TRIM34: variants seen among roughly 807,000 people sequenced by gnomAD.
The protein encoded by TRIM34 is E3 ubiquitin-protein ligase TRIM34.
Under a neutral mutation model 38.1 loss-of-function variants are expected in TRIM34, and 41 were observed. That is an observed-to-expected ratio of 1.08 (90% CI 0.84 to 1.40). TRIM34 has a LOEUF of 1.40. Among genes scored for constraint, TRIM34 ranks in the 40% most tolerant of loss-of-function variants. TRIM34 has a pLI of 0.00. For synonymous variants in TRIM34, 200 were observed against 202.5 expected (o/e 0.99, Z 0.10); for missense variants, 556 against 571.4 (o/e 0.97, Z 0.27).
At position 5,644,204 on chromosome 11, in the gene TRIM34, T is replaced by C; in HGVS notation, c.*495T>C. The C allele has an allele frequency of 2.5e-6, 1 of 398,984 alleles. No individual in the cohort carries two copies. Among genetic ancestry groups the C allele is most frequent in the Non-Finnish European group, 4.4e-6 (1 of 226,392 alleles). The allele number at this position is 398,984 out of a possible 1,614,324, so 24.7% of individuals were successfully genotyped here. On this transcript the variant is annotated 3_prime_UTR_variant, in exon 8 of 8. Transcript: ENST00000429814. ...AGTGAAGATTTTATGTCCAGAGTAT[T>C]TGAGCTCAAACCTTGCCTGTTGTTT...
At chr11:5,640,213 C>T (rs1469993691) in intron 4 of TRIM34, among the ~76,000 whole-genome samples, 1 of 152,128 alleles carries the variant, frequency 6.6e-6, no homozygotes, top group Non-Finnish European at 1.5e-5. Context: ...CGGGAAAAAG[C>T]ATTCAGTTTT....
chr11:5,620,066 A>G (rs1848924066), upstream of TRIM34: 1 of 148,970 alleles, frequency 6.7e-6, no homozygotes, highest in Admixed American at 6.7e-5. Context: ...ACCTGTCTCT[A>G]CATTTTGGGG....
At position 5,644,393 on chromosome 11, in the gene TRIM34, T is replaced by C. The variant is rs576184909; in HGVS notation, c.*684T>C. 1 of 396,482 alleles carries C rather than the reference T, an allele frequency of 2.5e-6. No individual in the cohort carries two copies. Among genetic ancestry groups the C allele is most frequent in the East Asian group, 3.6e-5 (1 of 27,962 alleles). 24.6% of individuals were successfully genotyped at this position (396,482 alleles called of 1,614,324 possible). ...AATAAATATTTGCTCTCATGATTGC[T>C]AAAAAGTGTGAGCTGTAGTAATGTC... On this transcript the variant is annotated 3_prime_UTR_variant, in exon 8 of 8. Transcript: ENST00000429814.
In TRIM34 at chr11:5,634,664, AC is replaced by A. The variant is rs755202233; in HGVS notation, c.554del (p.Thr185LysfsTer10). 2 of 1,613,916 alleles carry A rather than the reference AC, an allele frequency of 1.2e-6. No homozygotes were observed. The highest frequency in any genetic ancestry group is 1.1e-5 in the South Asian group (1 of 91,074). On this transcript the variant is annotated frameshift_variant, in exon 4 of 8. Transcript: ENST00000429814. LOFTEE classifies it high-confidence loss of function. ...QVQTERQRIQTEFDQLRSILN... is the reference protein window; with the variant it reads ...QVQTERQRIQXEFDQLRSILN... ...ACAAACTGAGAGACAAAGGATACAA[AC>A]AGAATTTGATCAGCTTAGAAGCATC...
chr11:5,641,356 A>G (rs2133954201), intron 5 of TRIM34, 167 bp downstream of exon 5: 4 of 1,464,272 alleles, frequency 2.7e-6, no homozygotes, highest in Non-Finnish European at 3.6e-6. Context: ...AGTGTTCCGT[A>G]ACTATTAATG....
At chr11:5,628,001 G>A (rs1278835247) in intron 1 of TRIM34, among the ~76,000 whole-genome samples, 2 of 152,210 alleles carry the variant, frequency 1.3e-5, no homozygotes, top group Non-Finnish European at 2.9e-5. Flanking sequence ...ATGGTAACCA[G>A]GTAACCTGGG....
chr11:5,623,251 A>G (rs998840683), upstream of TRIM34, among the ~76,000 whole-genome samples: 2 of 151,926 alleles, frequency 1.3e-5, no homozygotes, highest in African/African-American at 2.4e-5. Context: ...CTTTTACACT[A>G]TCTAAATGTA....
intron 4 of TRIM34, 98 bp from the exon 5 acceptor site, chr11:5,641,069 C>T: frequency 6.9e-7 from 1 of 1,454,672 alleles, no homozygotes; most frequent in Non-Finnish European, 9.1e-7. Context: ...TAACTCACTT[C>T]TGATTTTTCC....
intron 5 of TRIM34, 121 bp downstream of exon 5, chr11:5,641,310 C>A: frequency 6.4e-7 from 1 of 1,558,806 alleles, no homozygotes; most frequent in South Asian, 1.2e-5. Context: ...TTGGATGTAT[C>A]GTTATCTTAA....
At chr11:5,637,645 T>C (rs1301936156) in intron 4 of TRIM34, among the ~76,000 whole-genome samples, 1 of 152,210 alleles carries the variant, frequency 6.6e-6, no homozygotes, top group Non-Finnish European at 1.5e-5. Flanking sequence ...TGGCATTTAG[T>C]ACATTCAGAT....
rs180991818 is a variant in TRIM34, at chr11:5,642,375, G to A, written c.774-31G>A. 2,741 of 1,596,256 alleles carry A rather than the reference G, an allele frequency of 1.7e-3. 3 individuals are homozygous for A. The highest frequency in any genetic ancestry group is 2.2e-3 in the Non-Finnish European group (2,514 of 1,167,286). On this transcript the variant is annotated intron_variant, in intron 5 of 7. Transcript: ENST00000429814. ...GAGGGATGGACACAGGATGAGAGAT[G>A]TGGGGGTCAAAAAATTTTTTTCATC...
At chr11:5,634,915 C>G in intron 4 of TRIM34, 54 bp downstream of exon 4, 2 of 1,566,130 alleles carry the variant, frequency 1.3e-6, no homozygotes, top group Non-Finnish European at 1.7e-6. Flanking sequence ...CTCCTGTGTC[C>G]TTGCGTTCTC....
rs1370298252 is a variant in TRIM34, at chr11:5,634,881, C to A, written c.750+20C>A. On this transcript the variant is annotated intron_variant, in intron 4 of 7. Coordinates refer to ENST00000429814, the MANE Select transcript of TRIM34 (RefSeq NM_021616.6). ...CTGCAGGTAAGAAGGTTCGCTCAAT[C>A]TGAGATTCTGGGAACACAGTTCCCT... The A allele has an allele frequency of 1.2e-6, 2 of 1,605,508 alleles. No homozygotes were observed. Among genetic ancestry groups the A allele is most frequent in the South Asian group, 1.1e-5 (1 of 90,282 alleles).
At chr11:5,622,226 A>G (rs2133896156), upstream of TRIM34, among the ~76,000 whole-genome samples, 1 of 152,254 alleles carries the variant, frequency 6.6e-6, no homozygotes, top group Admixed American at 6.5e-5. Context: ...CAAGCAGATC[A>G]TGAGGTCAAG....
chr11:5,643,402 T>C lies in TRIM34; in HGVS notation c.1160T>C (p.Leu387Pro). The change falls in exon 8 of 8, where the codon CTT becomes CCT. Residue 387 changes from leucine to proline, a missense_variant. Coordinates refer to ENST00000429814, the MANE Select transcript of TRIM34 (RefSeq NM_021616.6). ...VVRRCANRQNLYTKYRPLFGY... is the reference protein window; with the variant it reads ...VVRRCANRQNPYTKYRPLFGY... Reference sequence around the variant, plus strand: ...AGAAGATGTGCAAATCGTCAAAATCTTTACACCAAATACAGACCTCTATTT... The same window carrying C: ...AGAAGATGTGCAAATCGTCAAAATCCTTACACCAAATACAGACCTCTATTT... The C allele has an allele frequency of 1.2e-6, 2 of 1,614,158 alleles. No homozygotes were observed. The highest frequency in any genetic ancestry group is 1.7e-6 in the Non-Finnish European group (2 of 1,180,022).
At chr11:5,635,090 C>T (rs1849674743) in intron 4 of TRIM34, among the ~76,000 whole-genome samples, 1 of 151,806 alleles carries the variant, frequency 6.6e-6, no homozygotes, top group Non-Finnish European at 1.5e-5. Context: ...TCTCTAGGCC[C>T]CTATTATATG....
chr11:5,643,382 A>T lies in TRIM34; in HGVS notation c.1140A>T (p.Arg380Ser). 1.2e-6 allele frequency: 2 copies of T among 1,614,126 alleles called. No homozygotes were observed. Among genetic ancestry groups the T allele is most frequent in the Non-Finnish European group, 1.7e-6 (2 of 1,180,024 alleles). Residue 380 changes from arginine (R) to serine (S), a missense_variant, in exon 8 of 8, where the codon AGA (arginine) becomes AGT (serine). Physicochemically the swap from Arg to Ser is moderately radical, Grantham distance 110. Coordinates refer to ENST00000429814, the MANE Select transcript of TRIM34 (RefSeq NM_021616.6). ...GCCATATGAAGTATGTTGTTAGAAG[A>T]TGTGCAAATCGTCAAAATCTTTACA... ...YSRHMKYVVRRCANRQNLYTK... is the reference protein window; with the variant it reads ...YSRHMKYVVRSCANRQNLYTK...
At chr11:5,636,917 T>C (rs956185486) in intron 4 of TRIM34, among the ~76,000 whole-genome samples, 1 of 152,094 alleles carries the variant, frequency 6.6e-6, no homozygotes, top group Non-Finnish European at 1.5e-5. Context: ...GAGGCCGAGG[T>C]GGGTGGATCA....
intron 5 of TRIM34, 122 bp downstream of exon 5, chr11:5,641,311 G>A (rs1013802211): frequency 1.1e-5 from 17 of 1,558,208 alleles, no homozygotes; most frequent in South Asian, 9.4e-5. Flanking sequence ...TGGATGTATC[G>A]TTATCTTAAA....
Sources: gnomAD v4.1 joint callset for allele counts (sites outside exome capture counted in the v4.1 genomes callset) on GRCh38, gnomAD v4.1.1 for gene constraint, MANE v1.5 for transcripts, NCBI Gene and HGNC (gene_info 2026-07-23, HGNC 2026-07-21) for gene names.